The following TFDP2 variants were observed in gnomAD, a reference collection of about 807,000 sequenced individuals.
TFDP2 encodes the protein transcription factor Dp-2 (E2F dimerization partner 2).
A neutral mutation model predicts 59.3 loss-of-function variants in TFDP2; 17 were observed. The observed-to-expected ratio is 0.29, with a 90% confidence interval of 0.20 to 0.43. TFDP2 has a LOEUF of 0.43. Ranked by LOEUF, TFDP2 falls within the 20% of genes least tolerant of loss-of-function variation. TFDP2 has a pLI of 1.00. For synonymous variants in TFDP2, 180 were observed against 194.7 expected (o/e 0.92, Z 0.63); for missense variants, 391 against 528.8 (o/e 0.74, Z 2.56).
At chr3:142,128,285 A>G (rs540751121) in intron 1 of TFDP2, among the ~76,000 whole-genome samples, 1 of 152,362 alleles carries the variant, frequency 6.6e-6, no homozygotes, top group Non-Finnish European at 1.5e-5. Context: ...GAAACTAGGT[A>G]CACAAAAGGG....
chr3:142,129,323 T>TGACAATGGACAATG (rs2062403014), intron 1 of TFDP2, among the ~76,000 whole-genome samples: 1 of 151,698 alleles, frequency 6.6e-6, no homozygotes, highest in Admixed American at 6.6e-5. Flanking sequence ...GATTCAGAAA[T>TGACAATGGACAATG]GACAATGACT....
chr3:141,968,450 T>G (rs1341596635), intron 9 of TFDP2, among the ~76,000 whole-genome samples: 3 of 115,958 alleles, frequency 2.6e-5, no homozygotes, highest in Non-Finnish European at 4.9e-5. Flanking sequence ...ATAACATATA[T>G]ATCTCATATA....
intron 3 of TFDP2, among the ~76,000 whole-genome samples, chr3:142,055,767 T>C (rs2059718683): frequency 6.6e-6 from 1 of 152,074 alleles, no homozygotes; most frequent in African/African-American, 2.4e-5. Context: ...CTGAAGCTTA[T>C]ATATAAAGTG....
At chr3:141,998,339 C>G (rs1471996493) in intron 4 of TFDP2, among the ~76,000 whole-genome samples, 2 of 152,168 alleles carry the variant, frequency 1.3e-5, no homozygotes, top group Non-Finnish European at 2.9e-5. Flanking sequence ...GGCACAGTGG[C>G]TCACTCCTAT....
At chr3:142,083,014 G>A (rs1206950452) in intron 3 of TFDP2, among the ~76,000 whole-genome samples, 5 of 152,134 alleles carry the variant, frequency 3.3e-5, no homozygotes, top group African/African-American at 1.2e-4. Flanking sequence ...GGAAGTCCTA[G>A]CTACAACATT....
In TFDP2 at chr3:142,126,295, C is replaced by T. The variant is rs1451856258; in HGVS notation, c.-93+22888G>A. The T allele has an allele frequency of 2.0e-5, 3 of 151,880 alleles. No homozygotes were observed. In the East Asian group the frequency reaches 5.8e-4, roughly 29 times the overall value. 9.4% of individuals were successfully genotyped at this position (151,880 alleles called of 1,614,324 possible). A position where few individuals can be genotyped will look rare whatever the true frequency, so the allele number is the denominator to read the frequency against. On this transcript the variant is annotated intron_variant, in intron 1 of 12. Transcript: ENST00000489671. ...CCGGATTCAAGCGATTCTCCTGCCT[C>T]AGCCTCCCGAGTAGCTGGGACTACA...
intron 3 of TFDP2, among the ~76,000 whole-genome samples, chr3:142,066,181 T>C (rs73232666): frequency 0.084 from 12,853 of 152,268 alleles, 687 homozygotes; most frequent in Middle Eastern, 0.14. Context: ...TGAATTCCTT[T>C]TGCTCCTAAT....
intron 1 of TFDP2, among the ~76,000 whole-genome samples, chr3:142,104,878 G>T (rs1054420552): frequency 2.6e-5 from 4 of 152,152 alleles, no homozygotes; most frequent in Admixed American, 1.3e-4. Flanking sequence ...CAGCCTGGTT[G>T]TAAGTGTCCT....
At chr3:142,145,749 A>G (rs1280984980) in intron 1 of TFDP2, among the ~76,000 whole-genome samples, 24 of 151,702 alleles carry the variant, frequency 1.6e-4, no homozygotes, top group East Asian at 3.9e-4. Flanking sequence ...TCCTTTTCCG[A>G]AAAAAAAGAC....
intron 3 of TFDP2, among the ~76,000 whole-genome samples, chr3:142,057,465 A>C (rs906298113): frequency 1.3e-5 from 2 of 152,188 alleles, no homozygotes; most frequent in African/African-American, 4.8e-5. Context: ...GCCAACCAAG[A>C]AAATAATTTG....
rs1373387162 is a variant in TFDP2, at chr3:142,051,987, G to A, written c.82+41074C>T. On this transcript the variant is annotated intron_variant, in intron 3 of 12. Coordinates refer to ENST00000489671, the MANE Select transcript of TFDP2 (RefSeq NM_001178139.2). ...CAAAAAATTTAAAAATTAGCTGGGT[G>A]TGGTTGCACATGTCTGTAGTCCCAG... Among the ~76,000 whole-genome samples the A allele has an allele frequency of 3.3e-5, 5 of 152,044 alleles. 1 individual carries two copies. The highest frequency in any genetic ancestry group is 6.8e-3 in the Middle Eastern group (2 of 294).
intron 11 of TFDP2, among the ~76,000 whole-genome samples, chr3:141,958,300 C>A (rs1157614668): frequency 1.3e-5 from 2 of 151,892 alleles, no homozygotes; most frequent in East Asian, 1.9e-4. Flanking sequence ...GAATTTTACA[C>A]AGGAGTAAGA....
At chr3:141,970,941 C>T (rs768894520) in intron 8 of TFDP2, among the ~76,000 whole-genome samples, 3 of 151,882 alleles carry the variant, frequency 2.0e-5, no homozygotes, top group Non-Finnish European at 2.9e-5. Context: ...ATCTGTAGTC[C>T]CAGCTAATTG....
intron 12 of TFDP2, 40 bp downstream of exon 12, chr3:141,952,871 C>A: frequency 6.3e-7 from 1 of 1,586,722 alleles, no homozygotes; most frequent in Non-Finnish European, 8.7e-7. Context: ...ACAGTCAGGG[C>A]TCTGGGGTTT....
At chr3:142,021,515 T>A (rs1945602615) in intron 3 of TFDP2, among the ~76,000 whole-genome samples, 1 of 152,132 alleles carries the variant, frequency 6.6e-6, no homozygotes, top group Non-Finnish European at 1.5e-5. Context: ...AATGAATAAA[T>A]CTTATATGTC....
intron 9 of TFDP2, among the ~76,000 whole-genome samples, chr3:141,965,455 C>G (rs937757851): frequency 2.0e-5 from 3 of 150,440 alleles, no homozygotes; most frequent in African/African-American, 7.4e-5. Flanking sequence ...TATGACTGTG[C>G]CACTACATTC....
intron 9 of TFDP2, among the ~76,000 whole-genome samples, chr3:141,969,445 T>C (rs756018180): frequency 3.3e-5 from 5 of 150,982 alleles, no homozygotes; most frequent in Admixed American, 6.7e-5. Context: ...ACCCCGTCTC[T>C]ACTAAAAATA....
intron 3 of TFDP2, among the ~76,000 whole-genome samples, chr3:142,087,099 T>C (rs1406105077): frequency 6.6e-6 from 1 of 152,228 alleles, no homozygotes; most frequent in Non-Finnish European, 1.5e-5. Flanking sequence ...TCAAATGATA[T>C]GACAAATGAT....
chr3:141,955,050 A>C (rs1210255810), intron 11 of TFDP2, among the ~76,000 whole-genome samples: 1 of 92,576 alleles, frequency 1.1e-5, no homozygotes, highest in Non-Finnish European at 2.6e-5. Flanking sequence ...CTGTACAAGA[A>C]AATAAAATTA....
Sources: gnomAD v4.1 joint callset for allele counts (sites outside exome capture counted in the v4.1 genomes callset) on GRCh38, gnomAD v4.1.1 for gene constraint, MANE v1.5 for transcripts, NCBI Gene and HGNC (gene_info 2026-07-23, HGNC 2026-07-21) for gene names.